ATE1: variants seen among roughly 807,000 people sequenced by gnomAD.
The protein encoded by ATE1 is arginyl-tRNA--protein transferase 1.
ATE1 carries 36 observed loss-of-function variants against 70.5 expected under a neutral mutation model. That is an observed-to-expected ratio of 0.51 (90% confidence interval 0.39 to 0.67). The LOEUF (loss-of-function observed/expected upper bound fraction) is 0.67. Among genes scored for constraint, ATE1 ranks in the 30% least tolerant of loss-of-function variants. The probability of loss-of-function intolerance (pLI) is 0.00; values close to 1 mark genes in which losing one functional copy is unlikely to be tolerated. For missense variants in ATE1, 593 were observed against 629.5 expected (o/e 0.94, Z 0.62); for synonymous variants, 232 against 219.3 (o/e 1.06, Z -0.51).
At chr10:121,923,641 A>T (rs1951969131) in intron 2 of ATE1, among the ~76,000 whole-genome samples, 1 of 152,294 alleles carries the variant, frequency 6.6e-6, no homozygotes, top group East Asian at 1.9e-4. Context: ...ACAGTATTTA[A>T]TATTACTTAT....
intron 7 of ATE1, among the ~76,000 whole-genome samples, chr10:121,872,125 A>G (rs1284633921): frequency 2.0e-5 from 3 of 152,078 alleles, no homozygotes; most frequent in African/African-American, 7.3e-5. Flanking sequence ...ATATTATACA[A>G]ATACTTTTGA....
At chr10:121,843,013 C>T (rs1047996674) in intron 8 of ATE1, among the ~76,000 whole-genome samples, 18 of 152,074 alleles carry the variant, frequency 1.2e-4, no homozygotes, top group Admixed American at 1.2e-3. Context: ...GGTGTATAGA[C>T]TGGAAAGGAG....
intron 11 of ATE1, among the ~76,000 whole-genome samples, chr10:121,772,812 T>C (rs1335121058): frequency 6.6e-6 from 1 of 152,234 alleles, no homozygotes; most frequent in Non-Finnish European, 1.5e-5. Flanking sequence ...TTTGCCGCTA[T>C]TTAAAAAACT....
At chr10:121,858,683 T>A (rs367554584) in intron 8 of ATE1, among the ~76,000 whole-genome samples, 3 of 86,388 alleles carry the variant, frequency 3.5e-5, no homozygotes, top group South Asian at 3.8e-4. Context: ...ATATATATTT[T>A]TATATATTAT....
At chr10:121,855,832 T>C (rs546229362) in intron 8 of ATE1, among the ~76,000 whole-genome samples, 1 of 152,052 alleles carries the variant, frequency 6.6e-6, no homozygotes, top group South Asian at 2.1e-4. Flanking sequence ...CCCAGCACTT[T>C]GAGAGGCTGA....
chr10:121,761,685 G>C (rs540696946), intron 11 of ATE1, among the ~76,000 whole-genome samples: 3 of 151,990 alleles, frequency 2.0e-5, no homozygotes, highest in Non-Finnish European at 4.4e-5. Flanking sequence ...TCCCCTTTCC[G>C]ACCTCCCTAG....
Position 121,742,650 on chromosome 10 carries a change from G to A in ATE1, c.*1030C>T, listed in dbSNP as rs924051694. On this transcript the variant is annotated 3_prime_UTR_variant, in exon 12 of 12. Coordinates refer to ENST00000224652, the MANE Select transcript of ATE1 (RefSeq NM_001001976.3). ...GAAGGAGGGGGCTGGCCTCTGCTCT[G>A]AGTTACTAAGGGTGGCAGAAGCCAC... 1 of 152,272 alleles carries A rather than the reference G, an allele frequency of 6.6e-6. No homozygotes were observed. The highest frequency in any genetic ancestry group is 2.4e-5 in the African/African-American group (1 of 41,458). 9.4% of individuals were successfully genotyped at this position (152,272 alleles called of 1,614,324 possible).
chr10:121,786,771 C>T (rs1394558533), intron 11 of ATE1, among the ~76,000 whole-genome samples: 4 of 151,986 alleles, frequency 2.6e-5, no homozygotes, highest in Admixed American at 1.3e-4. Context: ...TAAGAAGTAA[C>T]ACAAAGTATT....
chr10:121,830,566 TATAA>T (rs1353321649), intron 10 of ATE1, among the ~76,000 whole-genome samples: 4 of 152,216 alleles, frequency 2.6e-5, no homozygotes, highest in Non-Finnish European at 5.9e-5. Context: ...TATCCTGTTA[TATAA>T]ATACAGAAAG....
At chr10:121,849,211 C>A (rs1292904590) in intron 8 of ATE1, among the ~76,000 whole-genome samples, 11 of 140,824 alleles carry the variant, frequency 7.8e-5, no homozygotes, top group African/African-American at 1.9e-4. Context: ...AACTCCATCT[C>A]AAAAAAAAAA....
In ATE1 at chr10:121,795,836, C is replaced by T. The variant is rs139585452; in HGVS notation, c.1258-5547G>A. 8.7e-3 allele frequency among the ~76,000 whole-genome samples: 1,321 copies of T among 152,306 alleles called. 11 individuals carry two copies. The highest frequency in any genetic ancestry group is 0.012 in the Non-Finnish European group (839 of 68,036). ...CACAGGGGGTTGAAAGCTACCCTGC[C>T]TCTTCAGCTAGTATAAGAAAATGAG... On this transcript the variant is annotated intron_variant, in intron 10 of 11. Coordinates refer to ENST00000224652, the MANE Select transcript of ATE1 (RefSeq NM_001001976.3).
intron 8 of ATE1, among the ~76,000 whole-genome samples, chr10:121,859,996 T>C (rs1356266609): frequency 6.6e-6 from 1 of 152,080 alleles, no homozygotes; most frequent in African/African-American, 2.4e-5. Context: ...AAAATGTGAG[T>C]AGGATTATTC....
At chr10:121,748,525 T>C (rs1465919544) in intron 11 of ATE1, among the ~76,000 whole-genome samples, 5 of 152,300 alleles carry the variant, frequency 3.3e-5, no homozygotes, top group Non-Finnish European at 5.9e-5. Context: ...GAATTCCAAA[T>C]TGGCTTATGA....
At chr10:121,805,920 C>T (rs923532240) in intron 10 of ATE1, among the ~76,000 whole-genome samples, 1 of 152,144 alleles carries the variant, frequency 6.6e-6, no homozygotes, top group Non-Finnish European at 1.5e-5. Context: ...TAGATGTCAC[C>T]TTAACCAAGT....
intron 10 of ATE1, among the ~76,000 whole-genome samples, chr10:121,828,606 C>G (rs1948116558): frequency 6.6e-6 from 1 of 152,140 alleles, no homozygotes; most frequent in South Asian, 2.1e-4. Flanking sequence ...TCCAGGCTAC[C>G]CATCAGTCAG....
chr10:121,860,143 T>C (rs1228161146), intron 8 of ATE1, among the ~76,000 whole-genome samples: 1 of 152,192 alleles, frequency 6.6e-6, no homozygotes, highest in East Asian at 1.9e-4. Context: ...TAATACGTGT[T>C]GACATGTTGG....
At chr10:121,864,253 G>A (rs1457225515) in intron 8 of ATE1, among the ~76,000 whole-genome samples, 1 of 152,168 alleles carries the variant, frequency 6.6e-6, no homozygotes, top group Non-Finnish European at 1.5e-5. Context: ...GAAGGTATAG[G>A]GATGAAACTG....
intron 5 of ATE1, among the ~76,000 whole-genome samples, chr10:121,906,651 T>A (rs952570743): frequency 7.3e-5 from 11 of 151,716 alleles, no homozygotes; most frequent in African/African-American, 2.7e-4. Context: ...CAGGCTGGAG[T>A]GCAGTGGCGT....
chr10:121,775,843 C>G (rs1200576014), intron 11 of ATE1, among the ~76,000 whole-genome samples: 1 of 152,182 alleles, frequency 6.6e-6, no homozygotes, highest in Non-Finnish European at 1.5e-5. Context: ...ATCTATCTGT[C>G]ATTCAGCAAA....
Sources: gnomAD v4.1 joint callset for allele counts (sites outside exome capture counted in the v4.1 genomes callset) on GRCh38, gnomAD v4.1.1 for gene constraint, MANE v1.5 for transcripts, NCBI Gene and HGNC (gene_info 2026-07-23, HGNC 2026-07-21) for gene names.